Variants in KCNIP4 observed in about 807,000 individuals in gnomAD.
KCNIP4 encodes Kv channel-interacting protein 4.
In KCNIP4, 12 loss-of-function variants were observed where a neutral mutation model predicts 34.0. The observed-to-expected ratio is 0.35, with a 90% CI of 0.23 to 0.57. The LOEUF (loss-of-function observed/expected upper bound fraction) is 0.57. Ranked by LOEUF, KCNIP4 falls within the 20% of genes least tolerant of loss-of-function variation. KCNIP4 has a pLI of 0.83. For synonymous variants in KCNIP4, 124 were observed against 102.2 expected, an observed-to-expected ratio of 1.21 and a Z score of -1.29; for missense variants, 238 against 311.7, an observed-to-expected ratio of 0.76 and a Z score of 1.78.
At chr4:21,050,526 G>C (rs1742830131) in intron 1 of KCNIP4, among the ~76,000 whole-genome samples, 1 of 152,088 alleles carries the variant, frequency 6.6e-6, no homozygotes, top group South Asian at 2.1e-4. Flanking sequence ...TATTAAGCAA[G>C]ACTCATATAT....
intron 1 of KCNIP4, among the ~76,000 whole-genome samples, chr4:21,325,339 T>A (rs1359448612): frequency 6.6e-6 from 1 of 151,882 alleles, no homozygotes; most frequent in African/African-American, 2.4e-5. Context: ...AGGATGTATG[T>A]GTCTGTGAAC....
rs138080440 is a variant in KCNIP4, at chr4:21,602,733, A to G, written c.61+345838T>C. On this transcript the variant is annotated intron_variant, in intron 1 of 8. Transcript: ENST00000382152. The stretch of plus-strand genomic sequence containing the variant: ...CTGTGGGTACTCATCTTTTTGATTT[A>G]CGTATGCCTGTAACTGTACTTACCT... Among the ~76,000 whole-genome samples, 24 of 152,306 alleles carry G rather than the reference A, an allele frequency of 1.6e-4. No individual in the cohort carries two copies. In the East Asian group the frequency reaches 4.6e-3, roughly 29 times the overall value.
intron 1 of KCNIP4, among the ~76,000 whole-genome samples, chr4:21,273,638 A>G (rs1042987220): frequency 6.6e-6 from 1 of 152,186 alleles, no homozygotes; most frequent in Non-Finnish European, 1.5e-5. Flanking sequence ...ATTTTAACAT[A>G]TTTAATACAG....
At chr4:20,774,169 C>T (rs1398879721) in intron 3 of KCNIP4, among the ~76,000 whole-genome samples, 1 of 152,158 alleles carries the variant, frequency 6.6e-6, no homozygotes, top group African/African-American at 2.4e-5. Context: ...ACACATTCCC[C>T]ATGGAGGAAA....
chr4:20,812,225 A>T (rs1042764644), intron 3 of KCNIP4, among the ~76,000 whole-genome samples: 1 of 152,128 alleles, frequency 6.6e-6, no homozygotes, highest in Non-Finnish European at 1.5e-5. Flanking sequence ...TATAGGGGAG[A>T]TTGGAATATA....
chr4:21,789,342 G>C (rs1720121827), intron 1 of KCNIP4, among the ~76,000 whole-genome samples: 1 of 152,096 alleles, frequency 6.6e-6, no homozygotes, highest in African/African-American at 2.4e-5. Context: ...TTTCATCTCA[G>C]CTGACAATTT....
At chr4:21,123,337 A>G (rs1303110762) in intron 1 of KCNIP4, among the ~76,000 whole-genome samples, 1 of 152,214 alleles carries the variant, frequency 6.6e-6, no homozygotes, top group Non-Finnish European at 1.5e-5. Flanking sequence ...ATTTCTGAGC[A>G]AAAAACAGAA....
At chr4:20,955,009 C>T (rs1865444) in intron 1 of KCNIP4, among the ~76,000 whole-genome samples, 119,345 of 152,064 alleles carry the variant, frequency 0.78, 46,988 homozygotes, top group East Asian at 0.84. Context: ...GATTTCAGCT[C>T]CACTTGAATT....
rs114499883 is a variant in KCNIP4 at position 21,550,772 on chromosome 4, T to C, written c.61+397799A>G. On this transcript the variant is annotated intron_variant, in intron 1 of 8. Coordinates refer to ENST00000382152, the MANE Select transcript of KCNIP4 (RefSeq NM_025221.6). ...TCCTGTGTTTATTGATTATGAATCT[T>C]GAAGAAAGAAATTTTGTGTGAGCAT... is the stretch of plus-strand genomic sequence containing the variant. Among the ~76,000 whole-genome samples, 833 of 152,184 alleles carry C rather than the reference T, an allele frequency of 5.5e-3. 2 individuals are homozygous for C. Among genetic ancestry groups the C allele is most frequent in the Admixed American group, 0.01 (158 of 15,260 alleles).
At chr4:21,526,440 G>A (rs1011911886) in intron 1 of KCNIP4, among the ~76,000 whole-genome samples, 4 of 151,994 alleles carry the variant, frequency 2.6e-5, no homozygotes, top group African/African-American at 7.3e-5. Context: ...ATGCAGTCTC[G>A]AGTATGTCTT....
chr4:20,805,263 T>G (rs1177256398), intron 3 of KCNIP4, among the ~76,000 whole-genome samples: 2 of 141,474 alleles, frequency 1.4e-5, no homozygotes, highest in African/African-American at 5.3e-5. Context: ...CTTGAACTCC[T>G]GGAGTAAAGA....
chr4:21,774,714 C>T (rs190459343), intron 1 of KCNIP4, among the ~76,000 whole-genome samples: 7 of 152,098 alleles, frequency 4.6e-5, no homozygotes, highest in African/African-American at 1.4e-4. Flanking sequence ...CTCTGATATC[C>T]TTTCCTCCAC....
At chr4:21,738,189 A>G (rs547311583) in intron 1 of KCNIP4, among the ~76,000 whole-genome samples, 1 of 152,124 alleles carries the variant, frequency 6.6e-6, no homozygotes, top group East Asian at 1.9e-4. Context: ...ATATTTTAAA[A>G]GGCATATACT....
intron 1 of KCNIP4, among the ~76,000 whole-genome samples, chr4:21,287,460 C>T (rs1763190687): frequency 1.3e-5 from 2 of 152,108 alleles, no homozygotes; most frequent in Admixed American, 1.3e-4. Flanking sequence ...GAACAGAGTT[C>T]TGTAAAACTG....
intron 1 of KCNIP4, among the ~76,000 whole-genome samples, chr4:21,178,279 G>A (rs1754576286): frequency 6.6e-6 from 1 of 152,194 alleles, no homozygotes; most frequent in Non-Finnish European, 1.5e-5. Context: ...ATGCTTGAAA[G>A]TCAATGAAAG....
intron 1 of KCNIP4, among the ~76,000 whole-genome samples, chr4:21,602,880 C>A (rs1743309339): frequency 6.6e-6 from 1 of 152,124 alleles, no homozygotes; most frequent in Non-Finnish European, 1.5e-5. Context: ...GGAAACCAAT[C>A]ATTGAATTTG....
chr4:21,581,348 T>C (rs554294676), intron 1 of KCNIP4, among the ~76,000 whole-genome samples: 1 of 152,106 alleles, frequency 6.6e-6, no homozygotes, highest in East Asian at 1.9e-4. Flanking sequence ...GAAAAGACTA[T>C]AGACATGTTC....
intron 1 of KCNIP4, among the ~76,000 whole-genome samples, chr4:20,888,965 A>G (rs1209431451): frequency 6.6e-6 from 1 of 152,180 alleles, no homozygotes; most frequent in East Asian, 1.9e-4. Context: ...TACTTAATAC[A>G]ATATCATACT....
At chr4:21,650,132 C>T (rs578051826) in intron 1 of KCNIP4, among the ~76,000 whole-genome samples, 1 of 152,166 alleles carries the variant, frequency 6.6e-6, no homozygotes, top group Non-Finnish European at 1.5e-5. Flanking sequence ...AAAGCATTTT[C>T]CTTCCCAACC....
Sources: allele counts gnomAD v4.1 joint callset (sites outside exome capture counted in the v4.1 genomes callset), GRCh38; gene constraint gnomAD v4.1.1; transcripts MANE v1.5; gene names NCBI Gene and HGNC (gene_info 2026-07-23, HGNC 2026-07-21).